USP19: variants seen among roughly 807,000 people sequenced by gnomAD.
The protein encoded by USP19 is ubiquitin specific peptidase 19.
In USP19, 40 loss-of-function variants were observed where a neutral mutation model predicts 144.8. The observed-to-expected ratio is 0.28, with a 90% CI of 0.21 to 0.36. The LOEUF is 0.36. Among genes scored for constraint, USP19 ranks in the 10% least tolerant of loss-of-function variants. USP19 has a pLI of 1.00. For missense variants in USP19, 1,518 were observed against 1,822.5 expected (o/e 0.83, Z 3.04); for synonymous variants, 701 against 709.3 (o/e 0.99, Z 0.19).
Position 49,115,386 on chromosome 3 carries a change from TG to T in USP19, c.1889-26del, listed in dbSNP as rs529487963. On this transcript the variant is annotated intron_variant, in intron 12 of 26. Coordinates refer to ENST00000417901, the MANE Select transcript of USP19 (RefSeq NM_001199161.2). This position sits in a 1 kb window ranked among gnomAD's most constrained non-coding sequence, Gnocchi z 6.6. ...TCTAGGAATAGTAGCCGAGCAAAGGTGTGAGGAACAAAGGCACTCTCTCTGC... is the reference window on the plus strand; with the variant it reads ...TCTAGGAATAGTAGCCGAGCAAAGGTTGAGGAACAAAGGCACTCTCTCTGC... 543 of 1,613,964 alleles carry T rather than the reference TG, an allele frequency of 3.4e-4. 3 individuals are homozygous for T. In the African/African-American group the frequency reaches 6.2e-3, roughly 19 times the overall value.
chr3:49,111,293 A>G lies in USP19; in HGVS notation c.3290T>C (p.Ile1097Thr), dbSNP rs367728443. Residue 1097 changes from isoleucine (I) to threonine (T), a missense_variant, in exon 22 of 27, where the codon ATT becomes ACT. This residue lies in a region of USP19 where 413 missense variants were observed against 515.8 expected (regional missense o/e 0.80). Transcript: ENST00000417901. This position sits in a 1 kb window ranked among gnomAD's most constrained non-coding sequence, Gnocchi z 5.9. The stretch of plus-strand genomic sequence containing the variant: ...CCGCTGCTCTCGGTTGGATGAATCA[A>G]TTTTATAGATGAAGAACTGGGGTGT... ...AHTPQFFIYK[I>T]DSSNREQRLE... The G allele has an allele frequency of 5.8e-5, 93 of 1,614,042 alleles. 1 individual carries two copies. In the South Asian group the frequency reaches 6.1e-4, roughly 11 times the overall value.
chr3:49,112,048 C>A lies in USP19; in HGVS notation c.2766G>T (p.Gln922His), dbSNP rs781313395. Reference sequence around the variant, plus strand: ...CAGGCCAGTGGGTTTTCTGGCAGAGCCTGACGGGAAGAGGAAGACAAGGAT... The same window carrying A: ...CAGGCCAGTGGGTTTTCTGGCAGAGACTGACGGGAAGAGGAAGACAAGGAT... ...TRCYRVGYCN[Q>H]LCQKTHWPDH... is the part of the protein sequence containing the mutation. Residue 922 changes from glutamine to histidine, a missense_variant and splice_region_variant, in exon 20 of 27, where the codon CAG becomes CAT. Gln to His is a conservative substitution (Grantham distance 24). Around this residue, in one of 5 missense-constraint regions of USP19, gnomAD observed 413 missense variants for 515.8 expected, o/e 0.80. Coordinates refer to ENST00000417901, the MANE Select transcript of USP19 (RefSeq NM_001199161.2). The surrounding 1 kb of genome is among the most constrained non-coding windows in gnomAD (Gnocchi z 4.9). 3.1e-6 allele frequency: 5 copies of A among 1,613,836 alleles called. No homozygotes were observed. In the East Asian group the frequency reaches 1.1e-4, roughly 36 times the overall value.
chr3:49,118,133 T>C lies in USP19; in HGVS notation c.125-13A>G. On this transcript the variant is annotated splice_polypyrimidine_tract_variant and intron_variant, in intron 2 of 26. Transcript: ENST00000417901. ...CGAGACCCTGTCTCTAAAAAAAAAA[T>C]AAGAAAAATTAGTCAAGCATGGTGA... The C allele has an allele frequency of 9.4e-7, 1 of 1,061,022 alleles. No homozygotes were observed. Among genetic ancestry groups the C allele is most frequent in the Non-Finnish European group, 1.3e-6 (1 of 740,884 alleles). 65.7% of individuals were successfully genotyped at this position (1,061,022 alleles called of 1,614,324 possible).
At position 49,117,775 on chromosome 3, in the gene USP19, G is replaced by T. The variant is rs267599866; in HGVS notation, c.354C>A (p.Leu118=). The part of the protein sequence containing the change: ...LLATPTPELL[L]DWRQSAEEVI... The stretch of plus-strand genomic sequence containing the variant: ...CCTCTTCTGCACTCTGCCTCCAATC[G>T]AGCAACAACTCTGGAGTGGGAGTAG... Residue 118 remains leucine, a synonymous_variant, in exon 4 of 27, where the codon CTC becomes CTA. Coordinates refer to ENST00000417901, the MANE Select transcript of USP19 (RefSeq NM_001199161.2). The surrounding 1 kb of genome is among the most constrained non-coding windows in gnomAD (Gnocchi z 4.4). 2 of 1,613,966 alleles carry T rather than the reference G, an allele frequency of 1.2e-6. No individual in the cohort carries two copies. Among genetic ancestry groups the T allele is most frequent in the African/African-American group, 2.7e-5 (2 of 74,894 alleles).
rs541255074 is a variant in USP19, at chr3:49,116,188, A to C, written c.1356-26T>G. The stretch of plus-strand genomic sequence containing the variant: ...CTGTGGGAAAAGGCTGAACTCAGGG[A>C]CTTAGGAGGAATGAGCATCAGGATA... On this transcript the variant is annotated intron_variant, in intron 9 of 26. Transcript: ENST00000417901. This position sits in a 1 kb window ranked among gnomAD's most constrained non-coding sequence, Gnocchi z 5.0. 5.0e-6 allele frequency: 8 copies of C among 1,613,744 alleles called. No individual in the cohort carries two copies. The highest frequency in any genetic ancestry group is 3.3e-5 in the Admixed American group (2 of 59,960).
At position 49,119,006 on chromosome 3, in the gene USP19, G is replaced by A. The variant is rs745503955; in HGVS notation, c.124+16C>T. 7 of 1,613,742 alleles carry A rather than the reference G, an allele frequency of 4.3e-6. No individual in the cohort carries two copies. Among genetic ancestry groups the A allele is most frequent in the Non-Finnish European group, 5.1e-6 (6 of 1,179,814 alleles). ...GGCAGAGAAGGCCACAATTACTCTG[G>A]GAATGCCACTCCCACCTTTCCTAGG... On this transcript the variant is annotated intron_variant, in intron 2 of 26. Coordinates refer to ENST00000417901, the MANE Select transcript of USP19 (RefSeq NM_001199161.2).
rs1358412724 is a variant in USP19, at chr3:49,114,327, G to A, written c.2293-43C>T. 4.4e-6 allele frequency: 7 copies of A among 1,581,952 alleles called. No homozygotes were observed. In the East Asian group the frequency reaches 1.1e-4, roughly 25 times the overall value. ...GCACTGGGTAGCTGCACACAGAGTG[G>A]GAGATAAGATGCTCATGCTCAGAGA... On this transcript the variant is annotated intron_variant, in intron 15 of 26. Transcript: ENST00000417901. The surrounding 1 kb of genome is among the most constrained non-coding windows in gnomAD (Gnocchi z 4.5).
rs1267805078 is a variant in USP19, at chr3:49,110,291, C to G, written c.3931G>C (p.Val1311Leu). The G allele has an allele frequency of 6.2e-7, 1 of 1,608,468 alleles. No homozygotes were observed. The highest frequency in any genetic ancestry group is 8.5e-7 in the Non-Finnish European group (1 of 1,176,604). ...GAGTTCCGCCGGCGGTAGAAGAGTA[C>G]ATAGGCATAACGCGTCACAACCTGG... ...ESQVVTRYAY[V>L]LFYRRRNSPV... The change falls in exon 26 of 27, where the codon GTA becomes CTA. Residue 1311 changes from valine (V) to leucine (L), a missense_variant. Transcript: ENST00000417901. This position sits in a 1 kb window ranked among gnomAD's most constrained non-coding sequence, Gnocchi z 6.1.
chr3:49,110,678 C>T lies in USP19; in HGVS notation c.3698+33G>A, dbSNP rs752998274. 2 of 1,611,914 alleles carry T rather than the reference C, an allele frequency of 1.2e-6. No individual in the cohort carries two copies. Among genetic ancestry groups the T allele is most frequent in the Non-Finnish European group, 8.5e-7 (1 of 1,178,640 alleles). On this transcript the variant is annotated intron_variant, in intron 24 of 26. Transcript: ENST00000417901. This position sits in a 1 kb window ranked among gnomAD's most constrained non-coding sequence, Gnocchi z 6.1. ...CAGGATGCCCATCCTGGTCCTCACA[C>T]CCCACCCACAGTTACCAAGGTCCAC...
Position 49,112,162 on chromosome 3 carries a change from G to A in USP19, c.2766-114C>T. On this transcript the variant is annotated intron_variant, in intron 19 of 26. Coordinates refer to ENST00000417901, the MANE Select transcript of USP19 (RefSeq NM_001199161.2). This position sits in a 1 kb window ranked among gnomAD's most constrained non-coding sequence, Gnocchi z 4.9. ...GTACGCCAGCCCTGCCTCCCCCAGA[G>A]CCTGGTAAAGTAGGGTGGCAAGTAG... 3 of 1,543,662 alleles carry A rather than the reference G, an allele frequency of 1.9e-6. No individual in the cohort carries two copies. Among genetic ancestry groups the A allele is most frequent in the East Asian group, 4.7e-5 (2 of 42,424 alleles).
Position 49,117,934 on chromosome 3 carries a change from A to G in USP19, c.298+13T>C. Reference sequence around the variant, plus strand: ...CCCCTTCCCTAGCAACAAAAAGCCCATTCGTTACTGACCCTCTTTGGTCTG... The same window carrying G: ...CCCCTTCCCTAGCAACAAAAAGCCCGTTCGTTACTGACCCTCTTTGGTCTG... On this transcript the variant is annotated intron_variant, in intron 3 of 26. Transcript: ENST00000417901. The surrounding 1 kb of genome is among the most constrained non-coding windows in gnomAD (Gnocchi z 4.4). The G allele has an allele frequency of 6.2e-7, 1 of 1,612,962 alleles. No homozygotes were observed. Among genetic ancestry groups the G allele is most frequent in the Non-Finnish European group, 8.5e-7 (1 of 1,179,748 alleles).
chr3:49,112,274 G>T lies in USP19; in HGVS notation c.2765+10C>A. On this transcript the variant is annotated intron_variant, in intron 19 of 26. Transcript: ENST00000417901. This position sits in a 1 kb window ranked among gnomAD's most constrained non-coding sequence, Gnocchi z 4.9. ...AAAGAAAGGGTAGGGGAGACCATGGGGGTCCTCACTGGTTGCAGTAGCCCA... is the reference window on the plus strand; with the variant it reads ...AAAGAAAGGGTAGGGGAGACCATGGTGGTCCTCACTGGTTGCAGTAGCCCA... 1 of 1,601,192 alleles carries T rather than the reference G, an allele frequency of 6.2e-7. No homozygotes were observed. Among genetic ancestry groups the T allele is most frequent in the East Asian group, 2.3e-5 (1 of 44,080 alleles).
chr3:49,114,734 G>A lies in USP19; in HGVS notation c.2292+29C>T, dbSNP rs776161773. The A allele has an allele frequency of 2.5e-6, 4 of 1,608,410 alleles. No individual in the cohort carries two copies. The highest frequency in any genetic ancestry group is 1.7e-5 in the Admixed American group (1 of 59,944). ...ACCAGAATAGCTGAGCTGAACTAGG[G>A]GGTCTCTTTCCAGGGGAGCCCATCA... On this transcript the variant is annotated intron_variant, in intron 15 of 26. Transcript: ENST00000417901. The surrounding 1 kb of genome is among the most constrained non-coding windows in gnomAD (Gnocchi z 4.5).
In USP19 at chr3:49,116,662, CTCTCTA is replaced by C; in HGVS notation, c.1126+59_1127-56del. 6.2e-7 allele frequency: 1 copy of C among 1,611,366 alleles called. No homozygotes were observed. The highest frequency in any genetic ancestry group is 1.7e-5 in the Admixed American group (1 of 59,896). The stretch of plus-strand genomic sequence containing the variant: ...CAGGACAGGTTCCAGCCTATTGCTA[CTCTCTA>C]TCCACCTACAAACTTTGCAACCCAA... On this transcript the variant is annotated intron_variant, in intron 7 of 26. Transcript: ENST00000417901. This position sits in a 1 kb window ranked among gnomAD's most constrained non-coding sequence, Gnocchi z 5.0.
At chr3:49,113,059 C>T (rs1022037503) in intron 17 of USP19, among the ~76,000 whole-genome samples, 1 of 152,142 alleles carries the variant, frequency 6.6e-6, no homozygotes, top group Non-Finnish European at 1.5e-5. Context: ...GAGAGAGCAG[C>T]AGGATAGAGG....
At position 49,115,207 on chromosome 3, in the gene USP19, G is replaced by A. The variant is rs1325506541; in HGVS notation, c.2022+21C>T. 3 of 1,613,628 alleles carry A rather than the reference G, an allele frequency of 1.9e-6. No homozygotes were observed. Among genetic ancestry groups the A allele is most frequent in the South Asian group, 2.2e-5 (2 of 91,054 alleles). On this transcript the variant is annotated intron_variant, in intron 13 of 26. Transcript: ENST00000417901. This position sits in a 1 kb window ranked among gnomAD's most constrained non-coding sequence, Gnocchi z 6.6. The stretch of plus-strand genomic sequence containing the variant: ...CCCTCCCCGCCCCCTCCAGCCAAGG[G>A]TGACAGTGGTCACAGATCACCTTCA...
chr3:49,109,044 A>G (rs1351591287), intron 26 of USP19: 5 of 1,613,062 alleles, frequency 3.1e-6, no homozygotes. Context: ...AGGACAAAGT[A>G]CCGGAGGCAG....
chr3:49,117,359 C>T lies in USP19; in HGVS notation c.609G>A (p.Lys203=), dbSNP rs534938269. The change falls in exon 6 of 27, where the codon AAG becomes AAA. Residue 203 remains lysine, a splice_region_variant and synonymous_variant. Coordinates refer to ENST00000417901, the MANE Select transcript of USP19 (RefSeq NM_001199161.2). The surrounding 1 kb of genome is among the most constrained non-coding windows in gnomAD (Gnocchi z 4.4). ...CCAGCTCCTGGGTCCCTAGAGGTTT[C>T]TTCTGCCAAAGATACAGCAGTCAGG... ...VPMLTWPSLL[K]KPLGTQELVP... The T allele has an allele frequency of 1.9e-6, 3 of 1,596,666 alleles. No homozygotes were observed. The highest frequency in any genetic ancestry group is 2.7e-5 in the African/African-American group (2 of 74,478).
rs2044330975 is a variant in USP19, at chr3:49,117,344, G to A, written c.624C>T (p.Thr208=). 1 of 1,590,276 alleles carries A rather than the reference G, an allele frequency of 6.3e-7. No individual in the cohort carries two copies. The highest frequency in any genetic ancestry group is 1.7e-5 in the Admixed American group (1 of 57,828). The change falls in exon 6 of 27, where the codon ACC becomes ACT. Residue 208 remains threonine (T), a synonymous_variant. Transcript: ENST00000417901. This position sits in a 1 kb window ranked among gnomAD's most constrained non-coding sequence, Gnocchi z 4.4. The part of the protein sequence containing the change: ...WPSLLKKPLG[T]QELVPGLRCQ... Reference sequence around the variant, plus strand: ...ACCGCAGCCCCGGCACCAGCTCCTGGGTCCCTAGAGGTTTCTTCTGCCAAA... The same window carrying A: ...ACCGCAGCCCCGGCACCAGCTCCTGAGTCCCTAGAGGTTTCTTCTGCCAAA...
Sources: allele counts gnomAD v4.1 joint callset (sites outside exome capture counted in the v4.1 genomes callset), GRCh38; gene constraint gnomAD v4.1.1; regional missense constraint gnomAD v4.1.1; non-coding constraint Gnocchi (gnomAD v3.1); transcripts MANE v1.5; gene names NCBI Gene and HGNC (gene_info 2026-07-23, HGNC 2026-07-21).